PARD3: variants seen among roughly 807,000 people sequenced by gnomAD.
PARD3 encodes partitioning defective 3 homolog.
A neutral mutation model predicts 155.4 loss-of-function variants in PARD3; 75 were observed. The observed-to-expected ratio is 0.48, with a 90% CI of 0.40 to 0.58. The LOEUF is 0.58. Ranked by LOEUF, PARD3 falls within the 20% of genes least tolerant of loss-of-function variation. The pLI is 0.00. For missense variants in PARD3, 1,642 were observed against 1,721.7 expected, an observed-to-expected ratio of 0.95 and a Z score of 0.82; for synonymous variants, 576 against 610.5, an observed-to-expected ratio of 0.94 and a Z score of 0.83.
chr10:34,314,279 G>GGT (rs1329755003), intron 20 of PARD3, among the ~76,000 whole-genome samples: 2 of 152,028 alleles, frequency 1.3e-5, no homozygotes, highest in Non-Finnish European at 1.5e-5. Flanking sequence ...ATGGAAGGAA[G>GGT]GTAGTTTAAA....
intron 1 of PARD3, among the ~76,000 whole-genome samples, chr10:34,744,590 CTTGGCT>C (rs1231866823): frequency 7.9e-5 from 12 of 152,222 alleles, no homozygotes; most frequent in Admixed American, 7.9e-4. Context: ...TTCCAAATTA[CTTGGCT>C]TTGATAACTA....
chr10:34,159,756 T>C (rs1362590463), intron 22 of PARD3, among the ~76,000 whole-genome samples: 1 of 152,202 alleles, frequency 6.6e-6, no homozygotes, highest in Non-Finnish European at 1.5e-5. Flanking sequence ...ACAACAATTC[T>C]AGTAGGTGAG....
chr10:34,362,627 C>A lies in PARD3; in HGVS notation c.1708-2368G>T, dbSNP rs538259156. Among the ~76,000 whole-genome samples, 9 of 152,228 alleles carry A rather than the reference C, an allele frequency of 5.9e-5. No individual in the cohort carries two copies. The East Asian group carries it at 1.7e-3, about 30-fold the overall frequency. On this transcript the variant is annotated intron_variant, in intron 12 of 24. Transcript: ENST00000374788. ...CCTCCCACTGCAGCCTCCAGAGTAG[C>A]TGGGACTACAGGAACATGTCAACAA... is the stretch of plus-strand genomic sequence containing the variant.
intron 5 of PARD3, among the ~76,000 whole-genome samples, chr10:34,445,248 G>A (rs1204724170): frequency 6.6e-6 from 1 of 152,210 alleles, no homozygotes; most frequent in Non-Finnish European, 1.5e-5. Flanking sequence ...AATTGGAATA[G>A]ATTTCTAGTG....
At chr10:34,701,333 A>ATGATGTTGTTGTTGTTGTTGT (rs1554815382) in intron 1 of PARD3, among the ~76,000 whole-genome samples, 12 of 149,976 alleles carry the variant, frequency 8.0e-5, no homozygotes, top group South Asian at 4.3e-4. Context: ...ACACGCGGGG[A>ATGATGTTGTTGTTGTTGTTGT]TGTTGTTGTT....
At chr10:34,782,909 A>T (rs918320761) in intron 1 of PARD3, among the ~76,000 whole-genome samples, 9 of 152,114 alleles carry the variant, frequency 5.9e-5, no homozygotes, top group African/African-American at 2.2e-4. Context: ...TATTTTTAGT[A>T]GAAACGGGTT....
At chr10:34,252,959 G>A (rs776927537) in intron 22 of PARD3, among the ~76,000 whole-genome samples, 5 of 152,054 alleles carry the variant, frequency 3.3e-5, no homozygotes, top group Non-Finnish European at 5.9e-5. Context: ...TGAACCTGTT[G>A]GTCTGCAACA....
At chr10:34,184,885 C>G (rs1950418804) in intron 22 of PARD3, among the ~76,000 whole-genome samples, 1 of 152,190 alleles carries the variant, frequency 6.6e-6, no homozygotes. Context: ...AAGTTCACTG[C>G]ATCCCTTGGT....
At chr10:34,365,379 C>T (rs979353726) in intron 12 of PARD3, among the ~76,000 whole-genome samples, 3 of 152,138 alleles carry the variant, frequency 2.0e-5, no homozygotes, top group African/African-American at 7.2e-5. Context: ...ACCCTTTGGA[C>T]TTCCATAACT....
intron 1 of PARD3, among the ~76,000 whole-genome samples, chr10:34,745,600 C>T (rs1391178610): frequency 6.6e-6 from 1 of 152,092 alleles, no homozygotes; most frequent in African/African-American, 2.4e-5. Flanking sequence ...CTCAGATGAA[C>T]CATCACCAAA....
intron 1 of PARD3, among the ~76,000 whole-genome samples, chr10:34,728,157 C>A: frequency 1.0e-5 from 1 of 98,490 alleles, no homozygotes; most frequent in East Asian, 3.6e-4. Context: ...CCTTTATTCT[C>A]TATTTTCTAT....
At chr10:34,155,718 T>A (rs1948975137) in intron 22 of PARD3, among the ~76,000 whole-genome samples, 1 of 146,908 alleles carries the variant, frequency 6.8e-6, no homozygotes, top group East Asian at 2.2e-4. Flanking sequence ...AGCATATATA[T>A]TTATATTAAT....
intron 21 of PARD3, among the ~76,000 whole-genome samples, chr10:34,271,418 A>G (rs148964865): frequency 5.1e-4 from 78 of 152,338 alleles, no homozygotes; most frequent in Non-Finnish European, 8.8e-4. Context: ...ATCAATTACT[A>G]CAATCCATCA....
chr10:34,780,101 G>A (rs983005200), intron 1 of PARD3, among the ~76,000 whole-genome samples: 3 of 152,192 alleles, frequency 2.0e-5, no homozygotes, highest in African/African-American at 7.2e-5. Context: ...GGAAACTACT[G>A]TGAAGTCCAT....
At position 34,355,942 on chromosome 10, in the gene PARD3, A is replaced by AAAAAAAC. The variant is rs1554837471; in HGVS notation, c.2067+3204_2067+3205insGTTTTTT. Among the ~76,000 whole-genome samples, 7 of 129,652 alleles carry AAAAAAAC rather than the reference A, an allele frequency of 5.4e-5. No homozygotes were observed. In the East Asian group the frequency reaches 6.2e-4, roughly 12 times the overall value. 85.1% of individuals were successfully genotyped at this position (129,652 alleles called of 152,430 possible). A position where few individuals can be genotyped will look rare whatever the true frequency, so the allele number is the denominator to read the frequency against. ...TCCGTCTCAAAAAAAAAAAAAAAAA[A>AAAAAAAC]AAAACAAAACAAAACCAAACAAAAA... On this transcript the variant is annotated intron_variant, in intron 14 of 24. Coordinates refer to ENST00000374788, the MANE Select transcript of PARD3 (RefSeq NM_001184785.2).
chr10:34,738,739 T>A (rs1052318722), intron 1 of PARD3, among the ~76,000 whole-genome samples: 2 of 151,686 alleles, frequency 1.3e-5, no homozygotes, highest in African/African-American at 4.8e-5. Flanking sequence ...GGTGACAGAG[T>A]GAGACCCTGT....
At chr10:34,464,204 TG>T (rs1232113964) in intron 4 of PARD3, among the ~76,000 whole-genome samples, 1 of 152,070 alleles carries the variant, frequency 6.6e-6, no homozygotes, top group Non-Finnish European at 1.5e-5. Flanking sequence ...TAAAGGAATC[TG>T]TTGGTGTGAG....
chr10:34,690,685 T>C (rs1377834892), intron 2 of PARD3, among the ~76,000 whole-genome samples: 3 of 152,160 alleles, frequency 2.0e-5, no homozygotes, highest in Non-Finnish European at 4.4e-5. Context: ...CACGCCTCGC[T>C]AGCTCTATGG....
At chr10:34,721,339 G>T (rs1334181430) in intron 1 of PARD3, among the ~76,000 whole-genome samples, 1 of 152,186 alleles carries the variant, frequency 6.6e-6, no homozygotes, top group African/African-American at 2.4e-5. Context: ...GAAAAGAGTT[G>T]TGGAGCGAAC....
Sources: allele counts gnomAD v4.1 joint callset (sites outside exome capture counted in the v4.1 genomes callset), GRCh38; gene constraint gnomAD v4.1.1; transcripts MANE v1.5; gene names NCBI Gene and HGNC (gene_info 2026-07-23, HGNC 2026-07-21).